The following YIPF6 variants were observed in gnomAD, a reference collection of about 807,000 sequenced individuals.
YIPF6 encodes Yip1 domain family member 6.
In YIPF6, 3 loss-of-function variants were observed where a neutral mutation model predicts 16.8. The ratio of observed to expected loss-of-function variants is 0.18; its 90% CI spans 0.08 to 0.46. The LOEUF is 0.46. Ranked by LOEUF, YIPF6 falls within the 20% of genes least tolerant of loss-of-function variation. YIPF6 has a pLI of 0.98. For synonymous variants in YIPF6, 67 were observed against 61.9 expected, an observed-to-expected ratio of 1.08 and a Z score of -0.38; for missense variants, 145 against 184.9, an observed-to-expected ratio of 0.78 and a Z score of 1.25.
In YIPF6 at chrX:68,500,263, G is replaced by A. The variant is rs554715477; in HGVS notation, c.57+1140G>A. Among the ~76,000 whole-genome samples, 15 of 111,660 alleles carry A rather than the reference G, an allele frequency of 1.3e-4. No homozygotes were observed. The South Asian group carries it at 5.7e-3, about 42-fold the overall frequency. On this transcript the variant is annotated intron_variant, in intron 1 of 6. Coordinates refer to ENST00000462683, the MANE Select transcript of YIPF6 (RefSeq NM_173834.4). ...CTGCTCCTGTCCCTCTTCTCAATGTGTTTAGTTATATAGTAGTTGCTCAGT... is the reference window on the plus strand; with the variant it reads ...CTGCTCCTGTCCCTCTTCTCAATGTATTTAGTTATATAGTAGTTGCTCAGT...
chrX:68,516,035 A>G (rs1353516066), intron 3 of YIPF6, among the ~76,000 whole-genome samples: 1 of 111,256 alleles, frequency 9.0e-6, no homozygotes, highest in African/African-American at 3.3e-5. Context: ...AGGCGGAAGA[A>G]TCGCTTGAAC....
At chrX:68,531,188 C>T (rs183259987) in intron 6 of YIPF6, among the ~76,000 whole-genome samples, 1 of 111,122 alleles carries the variant, frequency 9.0e-6, no homozygotes, top group African/African-American at 3.3e-5. Context: ...GCAGTGGCGC[C>T]ATCTTGGCTC....
intron 3 of YIPF6, chrX:68,515,305 G>A (rs1199635970): frequency 4.1e-5 from 4 of 97,996 alleles, no homozygotes; most frequent in Middle Eastern, 5.6e-3. Context: ...CAGCTTGGGC[G>A]AAAGAGTGAG....
rs1017560328 is a variant in YIPF6, at chrX:68,536,131, A to G, written c.*4132A>G. On this transcript the variant is annotated 3_prime_UTR_variant, in exon 7 of 7. Transcript: ENST00000462683. Reference sequence around the variant, plus strand: ...GATGTACAATTCAGTGGTTTTTAGTATATTCACACACAAAATTGCACAACT... The same window carrying G: ...GATGTACAATTCAGTGGTTTTTAGTGTATTCACACACAAAATTGCACAACT... 1.8e-5 allele frequency: 2 copies of G among 111,621 alleles called. No individual in the cohort carries two copies. The highest frequency in any genetic ancestry group is 3.8e-5 in the Non-Finnish European group (2 of 53,151). The allele number at this position is 111,621 out of a possible 1,213,427, so 9.2% of individuals were successfully genotyped here.
intron 1 of YIPF6, among the ~76,000 whole-genome samples, chrX:68,509,357 C>T (rs1049289400): frequency 2.7e-5 from 3 of 110,758 alleles, no homozygotes; most frequent in Non-Finnish European, 5.7e-5. Context: ...TAGCATCAAG[C>T]GATTCTCCTA....
In YIPF6 at chrX:68,513,402, G is replaced by A. The variant is rs781156296; in HGVS notation, c.262G>A (p.Asp88Asn). The A allele has an allele frequency of 5.7e-5, 68 of 1,190,491 alleles. No individual in the cohort carries two copies. The highest frequency in any genetic ancestry group is 7.4e-5 in the Non-Finnish European group (65 of 883,044). ...YPRKSNTLLRDWDLWGPLILC... is the reference protein window; with the variant it reads ...YPRKSNTLLRNWDLWGPLILC... Reference sequence around the variant, plus strand: ...AAGGAAAAGTAATACTCTTTTGAGAGATTGTAAGTATATGAGGTTTTTAAG... The same window carrying A: ...AAGGAAAAGTAATACTCTTTTGAGAAATTGTAAGTATATGAGGTTTTTAAG... Residue 88 changes from aspartate to asparagine, a missense_variant, in exon 3 of 7, where the codon GAT becomes AAT. Asp to Asn is a conservative substitution (Grantham distance 23). Transcript: ENST00000462683.
rs2079088797 is a variant in YIPF6, at chrX:68,513,408, A to G, written c.265+3A>G. The G allele has an allele frequency of 8.4e-7, 1 of 1,186,763 alleles. No homozygotes were observed. Among genetic ancestry groups the G allele is most frequent in the Non-Finnish European group, 1.1e-6 (1 of 878,874 alleles). Reference sequence around the variant, plus strand: ...AAGTAATACTCTTTTGAGAGATTGTAAGTATATGAGGTTTTTAAGGGTTTG... The same window carrying G: ...AAGTAATACTCTTTTGAGAGATTGTGAGTATATGAGGTTTTTAAGGGTTTG... On this transcript the variant is annotated splice_donor_region_variant and intron_variant, in intron 3 of 6. Coordinates refer to ENST00000462683, the MANE Select transcript of YIPF6 (RefSeq NM_173834.4).
chrX:68,525,057 C>T (rs772909812), intron 6 of YIPF6, among the ~76,000 whole-genome samples: 10 of 111,764 alleles, frequency 8.9e-5, no homozygotes, highest in East Asian at 2.8e-4. Flanking sequence ...CTTGAAGAAT[C>T]GCCACACTGT....
intron 6 of YIPF6, among the ~76,000 whole-genome samples, chrX:68,526,598 T>C (rs1294786506): frequency 8.9e-6 from 1 of 111,871 alleles, no homozygotes; most frequent in Non-Finnish European, 1.9e-5. Flanking sequence ...AAGTATGATA[T>C]TGGCTATGGG....
At position 68,534,514 on chromosome X, in the gene YIPF6, A is replaced by G. The variant is rs1431719971; in HGVS notation, c.*2515A>G. 1.8e-5 allele frequency: 2 copies of G among 111,070 alleles called. No individual in the cohort carries two copies. Among genetic ancestry groups the G allele is most frequent in the African/African-American group, 6.5e-5 (2 of 30,588 alleles). The allele number at this position is 111,070 out of a possible 1,213,427, so 9.2% of individuals were successfully genotyped here. A position where few individuals can be genotyped will look rare whatever the true frequency, so the allele number is the denominator to read the frequency against. ...TTTTTTCACATTGAAAATCAGTTAGATTTGCTTAAGCCTCAAAGAGAATGT... is the reference window on the plus strand; with the variant it reads ...TTTTTTCACATTGAAAATCAGTTAGGTTTGCTTAAGCCTCAAAGAGAATGT... On this transcript the variant is annotated 3_prime_UTR_variant, in exon 7 of 7. Transcript: ENST00000462683.
intron 3 of YIPF6, among the ~76,000 whole-genome samples, chrX:68,517,606 T>C (rs1027986517): frequency 1.8e-5 from 2 of 112,422 alleles, no homozygotes; most frequent in African/African-American, 6.5e-5. Context: ...AGCAACTCTA[T>C]ATTAATTCAA....
intron 1 of YIPF6, among the ~76,000 whole-genome samples, chrX:68,505,567 G>A (rs1030711343): frequency 1.8e-5 from 2 of 112,222 alleles, no homozygotes; most frequent in Non-Finnish European, 3.8e-5. Context: ...AGATTACAGA[G>A]GATTAAGTGC....
chrX:68,515,676 T>C (rs2079099719), intron 3 of YIPF6, among the ~76,000 whole-genome samples: 1 of 110,781 alleles, frequency 9.0e-6, no homozygotes. Context: ...GGTTGACTTT[T>C]TTTTTTTTTA....
intron 3 of YIPF6, among the ~76,000 whole-genome samples, chrX:68,517,267 C>T (rs1351929676): frequency 8.9e-6 from 1 of 112,019 alleles, no homozygotes; most frequent in East Asian, 2.8e-4. Flanking sequence ...CATGCCTCAG[C>T]CTCCCAAGTA....
rs956416587 is a variant in YIPF6 at position 68,533,355 on chromosome X, A to G, written c.*1356A>G. On this transcript the variant is annotated 3_prime_UTR_variant, in exon 7 of 7. Coordinates refer to ENST00000462683, the MANE Select transcript of YIPF6 (RefSeq NM_173834.4). The stretch of plus-strand genomic sequence containing the variant: ...GGCAATATGAACTGTTGCCTTCTAT[A>G]AATTGCACATTGAGGAACTCTAATA... 9.0e-6 allele frequency: 1 copy of G among 111,714 alleles called. No homozygotes were observed. Among genetic ancestry groups the G allele is most frequent in the African/African-American group, 3.3e-5 (1 of 30,743 alleles). 9.2% of individuals were successfully genotyped at this position (111,714 alleles called of 1,213,427 possible). A position where few individuals can be genotyped will look rare whatever the true frequency, so the allele number is the denominator to read the frequency against.
intron 3 of YIPF6, among the ~76,000 whole-genome samples, chrX:68,518,512 C>T (rs766831095): frequency 2.1e-4 from 23 of 110,664 alleles, no homozygotes; most frequent in African/African-American, 2.0e-4. Context: ...TTAATTATAG[C>T]GTGCCAGCAT....
At position 68,521,308 on chromosome X, in the gene YIPF6, A is replaced by G. The variant is rs777698568; in HGVS notation, c.309-64A>G. On this transcript the variant is annotated intron_variant, in intron 4 of 6. Transcript: ENST00000462683. The stretch of plus-strand genomic sequence containing the variant: ...AATCTGATTCAAAGTTTGAGAACCC[A>G]TGCCTTAACTTTGTTGCCCTAAGTA... The G allele has an allele frequency of 5.2e-5, 60 of 1,162,824 alleles. 1 individual carries two copies. Among genetic ancestry groups the G allele is most frequent in the Admixed American group, 1.4e-4 (6 of 41,791 alleles).
chrX:68,533,650 T>C lies in YIPF6; in HGVS notation c.*1651T>C, dbSNP rs1329120606. 9.0e-6 allele frequency: 1 copy of C among 111,714 alleles called. No individual in the cohort carries two copies. The allele number at this position is 111,714 out of a possible 1,213,427, so 9.2% of individuals were successfully genotyped here. On this transcript the variant is annotated 3_prime_UTR_variant, in exon 7 of 7. Coordinates refer to ENST00000462683, the MANE Select transcript of YIPF6 (RefSeq NM_173834.4). ...GTGGGTCCCCTTGGTTCCAGCCTTG[T>C]CCAGAGTTTTTGGTTATATATTTCT...
chrX:68,527,618 A>G (rs2079154165), intron 6 of YIPF6, among the ~76,000 whole-genome samples: 1 of 111,652 alleles, frequency 9.0e-6, no homozygotes, highest in South Asian at 3.7e-4. Flanking sequence ...AGTGCTATAA[A>G]TTTCCCTCTA....
Sources: gnomAD v4.1 joint callset for allele counts (sites outside exome capture counted in the v4.1 genomes callset) on GRCh38, gnomAD v4.1.1 for gene constraint, MANE v1.5 for transcripts, NCBI Gene and HGNC (gene_info 2026-07-23, HGNC 2026-07-21) for gene names.